Variants in GRIK4 observed in about 807,000 individuals in gnomAD.
GRIK4 encodes glutamate receptor ionotropic, kainate 4.
In GRIK4, 40 loss-of-function variants were observed where a neutral mutation model predicts 104.9. The ratio of observed to expected loss-of-function variants is 0.38; its 90% CI spans 0.30 to 0.50. The LOEUF (loss-of-function observed/expected upper bound fraction) is 0.50, where lower values mean the gene tolerates loss of function less well. Ranked by LOEUF, GRIK4 falls within the 20% of genes least tolerant of loss-of-function variation. GRIK4 has a pLI of 0.93. For missense variants in GRIK4, 1,047 were observed against 1,308.1 expected, an observed-to-expected ratio of 0.80 and a Z score of 3.08; for synonymous variants, 485 against 524.9, an observed-to-expected ratio of 0.92 and a Z score of 1.04.
At chr11:120,955,249 G>A (rs1316665497) in intron 15 of GRIK4, among the ~76,000 whole-genome samples, 2 of 152,214 alleles carry the variant, frequency 1.3e-5, no homozygotes, top group Non-Finnish European at 2.9e-5. Context: ...ACAAAGTGGG[G>A]CACCAGAGTG....
At chr11:120,857,501 TGC>T (rs1954137170) in intron 8 of GRIK4, among the ~76,000 whole-genome samples, 1 of 26,390 alleles carries the variant, frequency 3.8e-5, no homozygotes, top group African/African-American at 1.5e-4. Context: ...TATGCACACA[TGC>T]ACACACACAC....
At chr11:120,755,580 C>T (rs1004695666) in intron 3 of GRIK4, among the ~76,000 whole-genome samples, 4 of 151,416 alleles carry the variant, frequency 2.6e-5, no homozygotes, top group African/African-American at 9.7e-5. Context: ...TGCACTCCAC[C>T]CTGGGTGACA....
At chr11:120,900,042 A>G (rs920659567) in intron 12 of GRIK4, among the ~76,000 whole-genome samples, 1 of 152,230 alleles carries the variant, frequency 6.6e-6, no homozygotes, top group African/African-American at 2.4e-5. Flanking sequence ...AGAAAGAGAT[A>G]AAAGCTGGAA....
At chr11:120,693,499 A>C (rs1950398341) in intron 3 of GRIK4, among the ~76,000 whole-genome samples, 1 of 152,182 alleles carries the variant, frequency 6.6e-6, no homozygotes, top group Non-Finnish European at 1.5e-5. Context: ...TAGTCTGTCC[A>C]TCCATCCATC....
At chr11:120,687,623 A>G (rs1435023503) in intron 3 of GRIK4, among the ~76,000 whole-genome samples, 1 of 152,154 alleles carries the variant, frequency 6.6e-6, no homozygotes, top group African/African-American at 2.4e-5. Flanking sequence ...TCGACATTGT[A>G]TAGGCTGTAC....
At chr11:120,580,941 T>C (rs1948573561) in intron 1 of GRIK4, among the ~76,000 whole-genome samples, 1 of 152,158 alleles carries the variant, frequency 6.6e-6, no homozygotes, top group Non-Finnish European at 1.5e-5. Context: ...TTAAAACAAA[T>C]CTTAAAAATT....
intron 11 of GRIK4, among the ~76,000 whole-genome samples, chr11:120,879,441 C>T (rs1463529704): frequency 6.6e-6 from 1 of 152,244 alleles, no homozygotes; most frequent in Non-Finnish European, 1.5e-5. Context: ...CACGCAGCGA[C>T]CTGCTGGGTT....
In GRIK4 at chr11:120,911,631, C is replaced by G. The variant is rs192109203; in HGVS notation, c.1476+6138C>G. ...CCGAGGCGGGTGGATCACCTGAGGT[C>G]AGGAGTTCAAGACCAGCCTGGCCAA... On this transcript the variant is annotated intron_variant, in intron 13 of 20. Transcript: ENST00000527524. Among the ~76,000 whole-genome samples the G allele has an allele frequency of 4.6e-3, 681 of 149,444 alleles. 5 individuals are homozygous for G. Among genetic ancestry groups the G allele is most frequent in the Admixed American group, 7.2e-3 (109 of 15,118 alleles).
intron 1 of GRIK4, among the ~76,000 whole-genome samples, chr11:120,612,008 G>A (rs1949044074): frequency 6.6e-6 from 1 of 152,196 alleles, no homozygotes. Context: ...TCCTTGCAGG[G>A]CCGATTGTAA....
intron 3 of GRIK4, among the ~76,000 whole-genome samples, chr11:120,702,173 C>T (rs1413739595): frequency 6.6e-6 from 1 of 152,134 alleles, no homozygotes; most frequent in Non-Finnish European, 1.5e-5. Flanking sequence ...CCAGGATGGC[C>T]TCGATCTCTT....
At chr11:120,791,406 T>C (rs1481132440) in intron 3 of GRIK4, among the ~76,000 whole-genome samples, 9 of 152,244 alleles carry the variant, frequency 5.9e-5, no homozygotes, top group Non-Finnish European at 1.2e-4. Flanking sequence ...GTACAACTTC[T>C]TTGGTGAAAT....
At chr11:120,901,622 A>G (rs1400052968) in intron 12 of GRIK4, among the ~76,000 whole-genome samples, 2 of 152,216 alleles carry the variant, frequency 1.3e-5, no homozygotes, top group Admixed American at 1.3e-4. Flanking sequence ...TAGGAGCTCA[A>G]TAATTAGAAT....
At chr11:120,635,198 A>C (rs879691417) in intron 1 of GRIK4, among the ~76,000 whole-genome samples, 14 of 152,216 alleles carry the variant, frequency 9.2e-5, no homozygotes, top group Non-Finnish European at 2.1e-4. Flanking sequence ...GTTAGGAACC[A>C]AGCACATCCC....
intron 7 of GRIK4, among the ~76,000 whole-genome samples, chr11:120,832,828 A>G (rs956368761): frequency 6.6e-6 from 1 of 152,212 alleles, no homozygotes; most frequent in Non-Finnish European, 1.5e-5. Context: ...ATAGCTGGGT[A>G]GCATCGGAGT....
intron 1 of GRIK4, among the ~76,000 whole-genome samples, chr11:120,556,982 G>C (rs1445859689): frequency 1.3e-5 from 2 of 152,080 alleles, no homozygotes; most frequent in Non-Finnish European, 2.9e-5. Context: ...CTTGGTGTGA[G>C]TTAACATCCC....
At chr11:120,841,751 T>G (rs1364892110) in intron 8 of GRIK4, among the ~76,000 whole-genome samples, 2 of 152,228 alleles carry the variant, frequency 1.3e-5, no homozygotes, top group Non-Finnish European at 2.9e-5. Flanking sequence ...AAGGTCCCGG[T>G]TTCTCTGCAA....
intron 7 of GRIK4, among the ~76,000 whole-genome samples, 191 bp downstream of exon 7, chr11:120,832,221 G>A (rs1036479710): frequency 6.6e-6 from 1 of 152,182 alleles, no homozygotes; most frequent in African/African-American, 2.4e-5. Context: ...TGAGGGTGAT[G>A]TCGTTTTCAG....
Position 120,773,816 on chromosome 11 carries a change from C to T in GRIK4, c.83-28877C>T, listed in dbSNP as rs552371429. Among the ~76,000 whole-genome samples, 4 of 152,294 alleles carry T rather than the reference C, an allele frequency of 2.6e-5. No homozygotes were observed. The East Asian group carries it at 5.8e-4, about 22-fold the overall frequency. On this transcript the variant is annotated intron_variant, in intron 3 of 20. Transcript: ENST00000527524. The stretch of plus-strand genomic sequence containing the variant: ...ACTCTCAAAGGGTTTGAAGTTTAAA[C>T]TTATACCCTCTGCTGGTCCAAGAAT...
intron 8 of GRIK4, among the ~76,000 whole-genome samples, chr11:120,859,877 G>A (rs1311283539): frequency 1.3e-5 from 2 of 152,220 alleles, no homozygotes; most frequent in Non-Finnish European, 2.9e-5. Context: ...AGGCATTGGT[G>A]GCTTCAAAGG....
Sources: gnomAD v4.1 joint callset for allele counts (sites outside exome capture counted in the v4.1 genomes callset) on GRCh38, gnomAD v4.1.1 for gene constraint, MANE v1.5 for transcripts, NCBI Gene and HGNC (gene_info 2026-07-23, HGNC 2026-07-21) for gene names.